The following PARD3B variants were observed in gnomAD, a reference collection of about 807,000 sequenced individuals.
The protein encoded by PARD3B is par-3 family cell polarity regulator beta.
PARD3B carries 103 observed loss-of-function variants against 130.2 expected under a neutral mutation model. The ratio of observed to expected loss-of-function variants is 0.79; its 90% CI spans 0.67 to 0.93. The LOEUF is 0.93. Ranked by LOEUF, PARD3B falls within the 40% of genes least tolerant of loss-of-function variation. The pLI, the probability that PARD3B is intolerant of heterozygous loss-of-function variation, is 0.00. For synonymous variants in PARD3B, 583 were observed against 553.2 expected (o/e 1.05, Z -0.76); for missense variants, 1,609 against 1,499.2 (o/e 1.07, Z -1.21).
At chr2:205,053,576 G>A (rs1344048851) in intron 4 of PARD3B, among the ~76,000 whole-genome samples, 1 of 151,542 alleles carries the variant, frequency 6.6e-6, no homozygotes, top group African/African-American at 2.4e-5. Context: ...GGAGGCAGAG[G>A]TTCCAGTGAG....
intron 3 of PARD3B, among the ~76,000 whole-genome samples, chr2:205,007,726 A>T (rs1695387032): frequency 6.6e-6 from 1 of 152,170 alleles, no homozygotes; most frequent in African/African-American, 2.4e-5. Context: ...TCTGTGAAGA[A>T]TGATGCTGGC....
chr2:204,910,044 G>T lies in PARD3B; in HGVS notation c.223-55108G>T, dbSNP rs377174195. 5.3e-5 allele frequency among the ~76,000 whole-genome samples: 8 copies of T among 152,248 alleles called. 1 individual carries two copies. Among genetic ancestry groups the T allele is most frequent in the African/African-American group, 1.9e-4 (8 of 41,536 alleles). Reference sequence around the variant, plus strand: ...ATGATTAGATGATGAGTAAAGAAGAGTATTGGTGGACCTCCAATATTGAGC... The same window carrying T: ...ATGATTAGATGATGAGTAAAGAAGATTATTGGTGGACCTCCAATATTGAGC... On this transcript the variant is annotated intron_variant, in intron 2 of 22. Transcript: ENST00000406610.
At chr2:205,501,412 C>T (rs1322416903) in intron 21 of PARD3B, among the ~76,000 whole-genome samples, 3 of 152,174 alleles carry the variant, frequency 2.0e-5, no homozygotes, top group Non-Finnish European at 4.4e-5. Flanking sequence ...CTTAGCTTCT[C>T]TGTAGCAGAA....
At chr2:204,699,753 C>A (rs546483089) in intron 2 of PARD3B, among the ~76,000 whole-genome samples, 85 of 152,182 alleles carry the variant, frequency 5.6e-4, no homozygotes, top group African/African-American at 1.9e-3. Flanking sequence ...TTACATGACT[C>A]TTTCCCAAAT....
At chr2:205,085,141 T>A (rs1297683723) in intron 4 of PARD3B, among the ~76,000 whole-genome samples, 1 of 152,058 alleles carries the variant, frequency 6.6e-6, no homozygotes, top group East Asian at 1.9e-4. Flanking sequence ...GGTGCGTAGG[T>A]TGGAATTTAT....
At chr2:204,914,752 G>A (rs1001319042) in intron 2 of PARD3B, among the ~76,000 whole-genome samples, 9 of 152,170 alleles carry the variant, frequency 5.9e-5, no homozygotes, top group Middle Eastern at 3.2e-3. Flanking sequence ...ATAAAGGGAG[G>A]TTTGAGGGCA....
At chr2:205,098,133 A>G (rs188895154) in intron 4 of PARD3B, among the ~76,000 whole-genome samples, 1 of 152,296 alleles carries the variant, frequency 6.6e-6, no homozygotes, top group East Asian at 1.9e-4. Context: ...TAAAATTTAC[A>G]TTATGATTAT....
At chr2:204,980,636 C>T (rs1038263971) in intron 3 of PARD3B, among the ~76,000 whole-genome samples, 1 of 152,178 alleles carries the variant, frequency 6.6e-6, no homozygotes, top group African/African-American at 2.4e-5. Flanking sequence ...GGGCATTTCA[C>T]CTCAATGGTA....
In PARD3B at chr2:205,263,312, A is replaced by C. The variant is rs911390900; in HGVS notation, c.2185+17490A>C. Reference sequence around the variant, plus strand: ...AGGTGGTGGGGCAAAAACAGTGGGAATATATGGAAGCAGCAAGGAACATAA... The same window carrying C: ...AGGTGGTGGGGCAAAAACAGTGGGACTATATGGAAGCAGCAAGGAACATAA... On this transcript the variant is annotated intron_variant, in intron 16 of 22. Coordinates refer to ENST00000406610, the MANE Select transcript of PARD3B (RefSeq NM_001302769.2). This position sits in a 1 kb window ranked among gnomAD's most constrained non-coding sequence, Gnocchi z 4.0. Among the ~76,000 whole-genome samples the C allele has an allele frequency of 4.0e-5, 6 of 151,624 alleles. No homozygotes were observed. Among genetic ancestry groups the C allele is most frequent in the African/African-American group, 1.5e-4 (6 of 41,292 alleles).
intron 3 of PARD3B, among the ~76,000 whole-genome samples, chr2:204,970,499 A>G (rs964139552): frequency 1.2e-4 from 18 of 152,140 alleles, no homozygotes; most frequent in South Asian, 8.3e-4. Context: ...CCTTTCTCCA[A>G]TGGGCCATGA....
At chr2:205,308,608 A>AC (rs1335164301) in intron 18 of PARD3B, among the ~76,000 whole-genome samples, 1 of 151,176 alleles carries the variant, frequency 6.6e-6, no homozygotes, top group African/African-American at 2.4e-5. Flanking sequence ...CCGTCTCAAA[A>AC]AAAAAAAAAA....
At chr2:204,913,972 G>A (rs2047345668) in intron 2 of PARD3B, among the ~76,000 whole-genome samples, 2 of 152,212 alleles carry the variant, frequency 1.3e-5, no homozygotes, top group African/African-American at 4.8e-5. Flanking sequence ...TGCTGGCTTA[G>A]CTTTTGCGTG....
chr2:204,740,319 G>T (rs986315119), intron 2 of PARD3B, among the ~76,000 whole-genome samples: 1 of 152,146 alleles, frequency 6.6e-6, no homozygotes, highest in Non-Finnish European at 1.5e-5. Flanking sequence ...ACTATGCCCG[G>T]CCAACTTTAA....
chr2:205,523,200 G>A (rs1478192097), intron 21 of PARD3B, among the ~76,000 whole-genome samples: 1 of 132,256 alleles, frequency 7.6e-6, no homozygotes, highest in African/African-American at 2.8e-5. Context: ...TCTTACCCCC[G>A]TGTACTATAT....
At chr2:205,211,531 A>G (rs1222869042) in intron 15 of PARD3B, among the ~76,000 whole-genome samples, 1 of 105,854 alleles carries the variant, frequency 9.4e-6, no homozygotes, top group African/African-American at 4.5e-5. Flanking sequence ...AATAAACGAT[A>G]ATAACGCAAT....
intron 1 of PARD3B, among the ~76,000 whole-genome samples, chr2:204,595,699 A>T (rs186709877): frequency 6.6e-6 from 1 of 152,260 alleles, no homozygotes. Flanking sequence ...GAAAATTCAG[A>T]AAAGTCAAGT....
intron 15 of PARD3B, among the ~76,000 whole-genome samples, chr2:205,205,482 G>T (rs1041280201): frequency 6.6e-6 from 1 of 152,076 alleles, no homozygotes; most frequent in Non-Finnish European, 1.5e-5. Flanking sequence ...CCAATACTAT[G>T]TTAAATAGGA....
chr2:205,539,448 G>T (rs1169320699), intron 21 of PARD3B, among the ~76,000 whole-genome samples: 1 of 152,056 alleles, frequency 6.6e-6, no homozygotes, highest in East Asian at 1.9e-4. Context: ...AACCTTTTAG[G>T]TATCATCCTC....
chr2:205,422,883 G>T (rs946476152), intron 19 of PARD3B, among the ~76,000 whole-genome samples: 10 of 99,786 alleles, frequency 1.0e-4, no homozygotes, highest in Non-Finnish European at 1.1e-4. Flanking sequence ...AGATCAGACA[G>T]TAGGCTCCCA....
Sources: allele counts gnomAD v4.1 joint callset (sites outside exome capture counted in the v4.1 genomes callset), GRCh38; gene constraint gnomAD v4.1.1; non-coding constraint Gnocchi (gnomAD v3.1); transcripts MANE v1.5; gene names NCBI Gene and HGNC (gene_info 2026-07-23, HGNC 2026-07-21).